Variants in LYN observed in about 807,000 individuals in gnomAD.
LYN encodes the protein tyrosine-protein kinase Lyn.
A neutral mutation model predicts 65.0 loss-of-function variants in LYN; 12 were observed. The ratio of observed to expected loss-of-function variants is 0.18; its 90% CI spans 0.12 to 0.30. The LOEUF is 0.30. Among genes scored for constraint, LYN ranks in the 10% least tolerant of loss-of-function variants. The pLI, the probability that LYN is intolerant of heterozygous loss-of-function variation, is 1.00. For missense variants in LYN, 380 were observed against 623.2 expected (o/e 0.61, Z 4.16); for synonymous variants, 222 against 221.2 (o/e 1.00, Z -0.03).
intron 10 of LYN, among the ~76,000 whole-genome samples, chr8:55,980,877 C>T (rs1807898710): frequency 6.6e-6 from 1 of 152,234 alleles, no homozygotes; most frequent in Non-Finnish European, 1.5e-5. Flanking sequence ...CAACATCCAC[C>T]TGCAGAACTC....
At chr8:55,893,750 A>G (rs1805015937) in intron 1 of LYN, 1 of 152,064 alleles carries the variant, frequency 6.6e-6, no homozygotes, top group Non-Finnish European at 1.5e-5. Context: ...AATGTTTAAA[A>G]AACTTTTTTT....
At chr8:55,943,276 G>C (rs1806679805) in intron 2 of LYN, among the ~76,000 whole-genome samples, 1 of 152,116 alleles carries the variant, frequency 6.6e-6, no homozygotes, top group Non-Finnish European at 1.5e-5. Flanking sequence ...GCTGGAAACA[G>C]TTTATTCCAG....
intron 12 of LYN, among the ~76,000 whole-genome samples, chr8:56,009,051 G>A (rs779832821): frequency 3.7e-4 from 56 of 152,192 alleles, no homozygotes; most frequent in Non-Finnish European, 5.3e-4. Flanking sequence ...ACTTAAGGGT[G>A]CTGACTTTAA....
intron 10 of LYN, among the ~76,000 whole-genome samples, chr8:55,994,252 C>T (rs1808316517): frequency 6.6e-6 from 1 of 152,150 alleles, no homozygotes; most frequent in Non-Finnish European, 1.5e-5. Flanking sequence ...ATCTGAAAAG[C>T]AAGTCATATC....
chr8:55,997,369 A>G (rs1292472716), intron 10 of LYN, among the ~76,000 whole-genome samples: 2 of 152,146 alleles, frequency 1.3e-5, no homozygotes, highest in Admixed American at 6.6e-5. Flanking sequence ...AATTCCATAG[A>G]CTGGGTGGCT....
intron 10 of LYN, among the ~76,000 whole-genome samples, chr8:55,981,143 C>G (rs1183496630): frequency 1.3e-5 from 2 of 152,214 alleles, no homozygotes; most frequent in Non-Finnish European, 2.9e-5. Context: ...CCAGAGCCCA[C>G]TTCCTGGAAG....
intron 11 of LYN, 125 bp downstream of exon 11, chr8:55,998,624 G>A: frequency 2.4e-6 from 2 of 825,344 alleles, no homozygotes; most frequent in Non-Finnish European, 3.8e-6. Flanking sequence ...CATTTAAGCT[G>A]TACCATAATT....
At chr8:55,951,658 C>T (rs1307814198) in intron 6 of LYN, among the ~76,000 whole-genome samples, 3 of 144,168 alleles carry the variant, frequency 2.1e-5, no homozygotes, top group Admixed American at 6.9e-5. Flanking sequence ...GAGCAACAAC[C>T]TATTTCAAAA....
intron 1 of LYN, among the ~76,000 whole-genome samples, chr8:55,913,354 T>G (rs1805695754): frequency 6.6e-6 from 1 of 152,226 alleles, no homozygotes; most frequent in Non-Finnish European, 1.5e-5. Flanking sequence ...TTGCTACAAA[T>G]GCAAATATCC....
At chr8:55,904,050 A>T (rs1253099613) in intron 1 of LYN, among the ~76,000 whole-genome samples, 3 of 152,192 alleles carry the variant, frequency 2.0e-5, no homozygotes, top group Non-Finnish European at 4.4e-5. Flanking sequence ...TGGAGTTTCA[A>T]ACATAAAGTA....
At chr8:55,917,292 C>T (rs1389452404) in intron 1 of LYN, among the ~76,000 whole-genome samples, 8 of 152,124 alleles carry the variant, frequency 5.3e-5, no homozygotes, top group East Asian at 1.9e-4. Flanking sequence ...CTCATGTGAT[C>T]GTCCCGCCTC....
At chr8:55,974,859 T>C (rs1378064040) in intron 10 of LYN, among the ~76,000 whole-genome samples, 2 of 152,128 alleles carry the variant, frequency 1.3e-5, no homozygotes, top group African/African-American at 2.4e-5. Flanking sequence ...GAGAGTTGCA[T>C]TGAGATGTCG....
At chr8:55,971,445 G>A (rs1055261748) in intron 10 of LYN, among the ~76,000 whole-genome samples, 1 of 152,236 alleles carries the variant, frequency 6.6e-6, no homozygotes, top group Non-Finnish European at 1.5e-5. Context: ...CTCTACTCAG[G>A]TGGTGATTTG....
At chr8:55,967,974 T>C (rs1807509785) in intron 9 of LYN, among the ~76,000 whole-genome samples, 1 of 152,248 alleles carries the variant, frequency 6.6e-6, no homozygotes. Context: ...ATGTCATAGC[T>C]GAATAGATTC....
intron 1 of LYN, among the ~76,000 whole-genome samples, chr8:55,911,350 G>T (rs1488387505): frequency 7.4e-6 from 1 of 134,352 alleles, no homozygotes. Flanking sequence ...TTGAACTCCT[G>T]GCCTCAAGTG....
At chr8:55,930,855 C>T (rs1806247173) in intron 1 of LYN, among the ~76,000 whole-genome samples, 1 of 151,970 alleles carries the variant, frequency 6.6e-6, no homozygotes, top group African/African-American at 2.4e-5. Context: ...GTTTCTTTTA[C>T]CTCACACTGA....
intron 1 of LYN, among the ~76,000 whole-genome samples, chr8:55,904,550 A>T (rs1805367572): frequency 6.6e-6 from 1 of 152,094 alleles, no homozygotes; most frequent in South Asian, 2.1e-4. Context: ...CACACAAAAT[A>T]ATTTCTGTAT....
intron 1 of LYN, among the ~76,000 whole-genome samples, chr8:55,911,950 G>C (rs1805651668): frequency 6.6e-6 from 1 of 152,246 alleles, no homozygotes; most frequent in East Asian, 1.9e-4. Flanking sequence ...TGGAGATGTG[G>C]AAGTTTGATT....
At chr8:55,921,026 C>G (rs538258626) in intron 1 of LYN, among the ~76,000 whole-genome samples, 8 of 152,162 alleles carry the variant, frequency 5.3e-5, no homozygotes, top group African/African-American at 1.7e-4. Context: ...AGATTTTCAG[C>G]CCACATTCTT....
Sources: gnomAD v4.1 joint callset for allele counts (sites outside exome capture counted in the v4.1 genomes callset) on GRCh38, gnomAD v4.1.1 for gene constraint, MANE v1.5 for transcripts, NCBI Gene and HGNC (gene_info 2026-07-23, HGNC 2026-07-21) for gene names.